The following SUSD6 variants were observed in gnomAD, a reference collection of about 807,000 sequenced individuals.
SUSD6 encodes sushi domain-containing protein 6.
SUSD6 carries 16 observed loss-of-function variants against 28.4 expected under a neutral mutation model. The ratio of observed to expected loss-of-function variants is 0.56; its 90% CI spans 0.38 to 0.86. SUSD6 has a LOEUF of 0.86. SUSD6 is among the 40% of genes least tolerant of loss of function. SUSD6 has a pLI of 0.00. For missense variants in SUSD6, 341 were observed against 384.2 expected, an observed-to-expected ratio of 0.89 and a Z score of 0.94; for synonymous variants, 147 against 159.6, an observed-to-expected ratio of 0.92 and a Z score of 0.59.
In SUSD6 at chr14:69,612,164, G is replaced by A. The variant is rs534716444; in HGVS notation, c.-81+336G>A. On this transcript the variant is annotated intron_variant, in intron 1 of 5. Coordinates refer to ENST00000342745, the MANE Select transcript of SUSD6 (RefSeq NM_014734.4). Reference sequence around the variant, plus strand: ...CCCGCGTCGCTGCCCGGGCAGCACCGGAAGAGCCAGACGCCGTGCCGATGG... The same window carrying A: ...CCCGCGTCGCTGCCCGGGCAGCACCAGAAGAGCCAGACGCCGTGCCGATGG... Among the ~76,000 whole-genome samples the A allele has an allele frequency of 4.0e-4, 61 of 152,134 alleles. 1 individual carries two copies. Among genetic ancestry groups the A allele is most frequent in the African/African-American group, 1.3e-3 (56 of 41,562 alleles).
At chr14:69,651,552 G>A (rs1230881594) in intron 1 of SUSD6, among the ~76,000 whole-genome samples, 2 of 152,172 alleles carry the variant, frequency 1.3e-5, no homozygotes, top group Non-Finnish European at 2.9e-5. Flanking sequence ...GGCCTGAAAG[G>A]ATGTCAGAGT....
At chr14:69,622,092 G>A (rs545526651) in intron 1 of SUSD6, among the ~76,000 whole-genome samples, 92 of 152,158 alleles carry the variant, frequency 6.0e-4, no homozygotes, top group Admixed American at 1.4e-3. Flanking sequence ...CTCCCCAAAG[G>A]AATTCTTTGC....
At chr14:69,621,431 A>G (rs1885039730) in intron 1 of SUSD6, among the ~76,000 whole-genome samples, 1 of 152,186 alleles carries the variant, frequency 6.6e-6, no homozygotes, top group Non-Finnish European at 1.5e-5. Context: ...CAGCTCAGGA[A>G]CCATGGCAGT....
intron 2 of SUSD6, among the ~76,000 whole-genome samples, chr14:69,699,939 C>T (rs1484157241): frequency 6.6e-6 from 1 of 152,264 alleles, no homozygotes; most frequent in South Asian, 2.1e-4. Context: ...ACCATGTGTG[C>T]CATTTGCATA....
chr14:69,665,554 A>G (rs1885727879), intron 2 of SUSD6, among the ~76,000 whole-genome samples: 1 of 152,172 alleles, frequency 6.6e-6, no homozygotes, highest in Admixed American at 6.5e-5. Flanking sequence ...CACCTGACTG[A>G]CTATAACTTT....
At chr14:69,640,316 T>TAC (rs1277819123) in intron 1 of SUSD6, among the ~76,000 whole-genome samples, 2 of 151,778 alleles carry the variant, frequency 1.3e-5, no homozygotes, top group African/African-American at 2.4e-5. Context: ...TATATATATA[T>TAC]ACACACACAC....
intron 2 of SUSD6, among the ~76,000 whole-genome samples, chr14:69,673,493 T>C (rs754882629): frequency 3.3e-5 from 5 of 152,020 alleles, no homozygotes; most frequent in Non-Finnish European, 7.4e-5. Flanking sequence ...GGTGGAGAAA[T>C]CTTGAACCCA....
At chr14:69,630,005 G>C (rs1205131512) in intron 1 of SUSD6, among the ~76,000 whole-genome samples, 1 of 152,176 alleles carries the variant, frequency 6.6e-6, no homozygotes, top group African/African-American at 2.4e-5. Context: ...AATTGAGAGT[G>C]CTTCTAAAGG....
intron 1 of SUSD6, among the ~76,000 whole-genome samples, chr14:69,624,362 C>T (rs781400410): frequency 9.2e-5 from 14 of 152,216 alleles, no homozygotes; most frequent in Middle Eastern, 3.4e-3. Flanking sequence ...AGAAAGTATC[C>T]ACGGAATCAG....
At chr14:69,680,579 A>G (rs973951418) in intron 2 of SUSD6, among the ~76,000 whole-genome samples, 1 of 152,034 alleles carries the variant, frequency 6.6e-6, no homozygotes, top group South Asian at 2.1e-4. Context: ...ACTTATGGTA[A>G]GGTCCATTCT....
intron 2 of SUSD6, among the ~76,000 whole-genome samples, chr14:69,699,532 G>A (rs1886282615): frequency 6.7e-6 from 1 of 148,606 alleles, no homozygotes; most frequent in Admixed American, 6.7e-5. Flanking sequence ...GTCTTAAAAT[G>A]ACTTGCCTTT....
chr14:69,651,340 T>G (rs1350678554), intron 1 of SUSD6, among the ~76,000 whole-genome samples: 2 of 152,132 alleles, frequency 1.3e-5, no homozygotes, highest in Admixed American at 1.3e-4. Flanking sequence ...TGTGAGCAAT[T>G]CTGGGGGTGG....
Position 69,666,330 on chromosome 14 carries a change from C to T in SUSD6, c.121+7617C>T, listed in dbSNP as rs147057526. Among the ~76,000 whole-genome samples the T allele has an allele frequency of 2.1e-3, 323 of 152,274 alleles. 2 individuals are homozygous for T. Among genetic ancestry groups the T allele is most frequent in the African/African-American group, 7.2e-3 (299 of 41,556 alleles). ...GAACTATTTGTTCTCTTCAGGGAGG[C>T]TACCCTGTTGGTATTTCAGAGCTGA... On this transcript the variant is annotated intron_variant, in intron 2 of 5. Coordinates refer to ENST00000342745, the MANE Select transcript of SUSD6 (RefSeq NM_014734.4).
At chr14:69,620,849 G>T (rs531973689) in intron 1 of SUSD6, among the ~76,000 whole-genome samples, 3 of 152,206 alleles carry the variant, frequency 2.0e-5, no homozygotes, top group African/African-American at 7.2e-5. Context: ...AAAAGGAGAT[G>T]TGGGTTCAAC....
chr14:69,644,547 G>A (rs1297418561), intron 1 of SUSD6, among the ~76,000 whole-genome samples: 2 of 152,104 alleles, frequency 1.3e-5, no homozygotes, highest in Non-Finnish European at 2.9e-5. Context: ...CTACTCGGGA[G>A]GCTGAGGCAG....
chr14:69,646,785 T>C (rs1178915333), intron 1 of SUSD6, among the ~76,000 whole-genome samples: 2 of 140,750 alleles, frequency 1.4e-5, no homozygotes, highest in Non-Finnish European at 3.0e-5. Flanking sequence ...CACTGCAAGC[T>C]CTGCTTCCCA....
chr14:69,612,566 G>C (rs1372324007), intron 1 of SUSD6, among the ~76,000 whole-genome samples: 4 of 152,158 alleles, frequency 2.6e-5, no homozygotes, highest in Admixed American at 6.5e-5. Flanking sequence ...TACCCTGGAC[G>C]AATTTAGGAG....
chr14:69,632,760 C>T (rs1001121598), intron 1 of SUSD6, among the ~76,000 whole-genome samples: 2 of 152,054 alleles, frequency 1.3e-5, no homozygotes, highest in African/African-American at 4.8e-5. Flanking sequence ...ATTTGGTGTT[C>T]ACTGAGCCAA....
chr14:69,644,517 G>T (rs77319247), intron 1 of SUSD6, among the ~76,000 whole-genome samples: 19 of 152,228 alleles, frequency 1.2e-4, no homozygotes, highest in African/African-American at 4.6e-4. Flanking sequence ...GGGCTTGGGG[G>T]CGTGTGCCTG....
Sources: allele counts gnomAD v4.1 joint callset (sites outside exome capture counted in the v4.1 genomes callset), GRCh38; gene constraint gnomAD v4.1.1; transcripts MANE v1.5; gene names NCBI Gene and HGNC (gene_info 2026-07-23, HGNC 2026-07-21).